Variants in ANO2 observed in about 807,000 individuals in gnomAD.
ANO2 encodes the protein anoctamin 2, also known as anoctamin-2.
ANO2 carries 101 observed loss-of-function variants against 124.2 expected under a neutral mutation model. That is an observed-to-expected ratio of 0.81 (90% CI 0.69 to 0.96). ANO2 has a LOEUF of 0.96. Among genes scored for constraint, ANO2 ranks in the 40% least tolerant of loss-of-function variants. The pLI is 0.00. For synonymous variants in ANO2, 486 were observed against 482.5 expected (o/e 1.01, Z -0.09); for missense variants, 1,293 against 1,274.5 (o/e 1.01, Z -0.22).
intron 20 of ANO2, among the ~76,000 whole-genome samples, chr12:5,591,945 G>C (rs1943414710): frequency 6.6e-6 from 1 of 152,194 alleles, no homozygotes; most frequent in African/African-American, 2.4e-5. Context: ...GTCTGAAAGA[G>C]ATCATCTCAC....
intron 20 of ANO2, among the ~76,000 whole-genome samples, chr12:5,579,910 T>G (rs971673646): frequency 2.0e-5 from 3 of 152,220 alleles, no homozygotes; most frequent in Non-Finnish European, 4.4e-5. Flanking sequence ...ACCTCCTTGG[T>G]GAAGCCCCAT....
chr12:5,603,328 C>T (rs1361697010), intron 19 of ANO2, among the ~76,000 whole-genome samples: 2 of 152,042 alleles, frequency 1.3e-5, no homozygotes, highest in Non-Finnish European at 2.9e-5. Flanking sequence ...CAAGAGTGAC[C>T]AATATAAGAG....
intron 1 of ANO2, among the ~76,000 whole-genome samples, chr12:5,939,832 G>A (rs1029623766): frequency 2.6e-5 from 4 of 152,168 alleles, no homozygotes; most frequent in Non-Finnish European, 5.9e-5. Context: ...AAATAAGGTC[G>A]AGCTGTGTGT....
intron 14 of ANO2, 86 bp downstream of exon 14, chr12:5,732,434 C>A: frequency 8.9e-7 from 1 of 1,126,582 alleles, no homozygotes; most frequent in Non-Finnish European, 1.3e-6. Flanking sequence ...CAAGCCCAGT[C>A]TCCCTTCACT....
upstream of ANO2, chr12:5,946,009 G>A: frequency 1.0e-6 from 1 of 953,266 alleles, no homozygotes; most frequent in South Asian, 1.5e-5. The surrounding 1 kb of genome is among the most constrained non-coding windows in gnomAD (Gnocchi z 4.1). Flanking sequence ...GGATGGGAGG[G>A]AAGACCTCCA....
At chr12:5,924,055 G>A (rs943466126) in intron 1 of ANO2, among the ~76,000 whole-genome samples, 4 of 152,214 alleles carry the variant, frequency 2.6e-5, no homozygotes, top group African/African-American at 4.8e-5. Context: ...GATTAGAATC[G>A]TTAGTGTTTG....
chr12:5,920,928 G>T (rs917461999), intron 3 of ANO2, 112 bp downstream of exon 3: 48 of 1,261,344 alleles, frequency 3.8e-5, no homozygotes, highest in Non-Finnish European at 5.0e-5. Context: ...AGAAAAAAAA[G>T]TCCACCTGCC....
chr12:5,839,105 G>C (rs1249004557), intron 4 of ANO2, among the ~76,000 whole-genome samples: 1 of 152,226 alleles, frequency 6.6e-6, no homozygotes, highest in African/African-American at 2.4e-5. Context: ...ATCCCTGAGA[G>C]ATGGGAGACA....
At chr12:5,820,753 C>T in intron 7 of ANO2, among the ~76,000 whole-genome samples, 1 of 152,236 alleles carries the variant, frequency 6.6e-6, no homozygotes, top group Non-Finnish European at 1.5e-5. Context: ...CCCATTTGGC[C>T]TGTGCAGAAG....
At chr12:5,812,696 GAGAAAGAA>G (rs1326170226) in intron 7 of ANO2, among the ~76,000 whole-genome samples, 4 of 124,398 alleles carry the variant, frequency 3.2e-5, no homozygotes, top group Admixed American at 8.6e-5. Flanking sequence ...AAGAAAGAAA[GAGAAAGAA>G]AAGAAGAAGA....
chr12:5,721,220 C>A (rs1950222897), intron 14 of ANO2, among the ~76,000 whole-genome samples: 1 of 152,110 alleles, frequency 6.6e-6, no homozygotes, highest in Non-Finnish European at 1.5e-5. Flanking sequence ...CACAAACATG[C>A]AGAGACGGCA....
chr12:5,810,206 C>T (rs180690994), intron 7 of ANO2, among the ~76,000 whole-genome samples: 1 of 152,152 alleles, frequency 6.6e-6, no homozygotes, highest in African/African-American at 2.4e-5. Flanking sequence ...GGAGAAAGTA[C>T]ATTAGAGGAG....
At chr12:5,945,147 C>A (rs1444339186) in intron 1 of ANO2, 49 bp downstream of exon 1, 1 of 1,283,810 alleles carries the variant, frequency 7.8e-7, no homozygotes, top group Non-Finnish European at 1.0e-6. Context: ...CACTCCCTCC[C>A]TCCTACCACC....
chr12:5,888,482 T>A (rs1939132974), intron 3 of ANO2, among the ~76,000 whole-genome samples: 1 of 152,186 alleles, frequency 6.6e-6, no homozygotes, highest in Non-Finnish European at 1.5e-5. Flanking sequence ...TTGGTCCATT[T>A]TACAGAGAGC....
chr12:5,894,979 C>T (rs1272586122), intron 3 of ANO2, among the ~76,000 whole-genome samples: 1 of 152,042 alleles, frequency 6.6e-6, no homozygotes, highest in Non-Finnish European at 1.5e-5. Context: ...TATGGGCTCT[C>T]TTTTGGTTCC....
chr12:5,620,547 C>T (rs1158258697), intron 16 of ANO2, among the ~76,000 whole-genome samples: 3 of 151,948 alleles, frequency 2.0e-5, no homozygotes, highest in Non-Finnish European at 4.4e-5. Context: ...AATTGGAATT[C>T]TATAGGAGTT....
At chr12:5,945,273 C>G, upstream of ANO2, 1 of 1,260,348 alleles carries the variant, frequency 7.9e-7, no homozygotes, top group African/African-American at 1.6e-5. Flanking sequence ...CAGGCTTATG[C>G]CGCCGCGGGG....
intron 10 of ANO2, among the ~76,000 whole-genome samples, chr12:5,773,222 A>G (rs1952135183): frequency 6.6e-6 from 1 of 152,126 alleles, no homozygotes; most frequent in Non-Finnish European, 1.5e-5. Flanking sequence ...CAGCCCTCCC[A>G]TTGTTGCTTC....
chr12:5,838,179 C>T (rs369003008), intron 4 of ANO2, among the ~76,000 whole-genome samples: 4 of 152,272 alleles, frequency 2.6e-5, no homozygotes, highest in South Asian at 2.1e-4. Context: ...CCTAGAGAAA[C>T]GGGCTAAAGG....
Sources: allele counts gnomAD v4.1 joint callset (sites outside exome capture counted in the v4.1 genomes callset), GRCh38; gene constraint gnomAD v4.1.1; non-coding constraint Gnocchi (gnomAD v3.1); transcripts MANE v1.5; gene names NCBI Gene and HGNC (gene_info 2026-07-23, HGNC 2026-07-21).